The following LMNTD1 variants were observed in gnomAD, a reference collection of about 807,000 sequenced individuals.
The protein encoded by LMNTD1 is lamin tail domain containing 1.
In LMNTD1, 35 loss-of-function variants were observed where a neutral mutation model predicts 50.9. The observed-to-expected ratio is 0.69, with a 90% CI of 0.53 to 0.91. The LOEUF (loss-of-function observed/expected upper bound fraction) is 0.91. Ranked by LOEUF, LMNTD1 falls within the 40% of genes least tolerant of loss-of-function variation. LMNTD1 has a pLI of 0.00. For synonymous variants in LMNTD1, 153 were observed against 161.9 expected (o/e 0.94, Z 0.42); for missense variants, 470 against 475.5 (o/e 0.99, Z 0.11).
At chr12:25,647,045 G>A (rs1947087430) in intron 1 of LMNTD1, among the ~76,000 whole-genome samples, 2 of 152,088 alleles carry the variant, frequency 1.3e-5, no homozygotes, top group Admixed American at 6.6e-5. Context: ...AAAATAATTT[G>A]GATTTTCTTC....
At chr12:25,487,965 C>T (rs1291753027) in intron 9 of LMNTD1, among the ~76,000 whole-genome samples, 2 of 147,042 alleles carry the variant, frequency 1.4e-5, no homozygotes, top group Non-Finnish European at 3.0e-5. Context: ...TTGGCCCCCA[C>T]TCTCTTCTGG....
chr12:25,495,159 T>C (rs1005085771), intron 9 of LMNTD1, among the ~76,000 whole-genome samples: 9 of 152,036 alleles, frequency 5.9e-5, no homozygotes, highest in Non-Finnish European at 8.8e-5. Flanking sequence ...CAAAGCTCAT[T>C]GGTAATTAAT....
At chr12:25,641,747 A>G (rs2619479) in intron 1 of LMNTD1, among the ~76,000 whole-genome samples, 150,533 of 152,188 alleles carry the variant, frequency 0.99, 74,472 homozygotes, top group Middle Eastern at 1. Flanking sequence ...GAAACTCTGC[A>G]GTTCCACAGA....
At chr12:25,645,372 A>C (rs1047362792) in intron 1 of LMNTD1, among the ~76,000 whole-genome samples, 7 of 152,196 alleles carry the variant, frequency 4.6e-5, no homozygotes, top group African/African-American at 7.2e-5. Context: ...TTAAGGAATA[A>C]TTGCAATGGA....
intron 9 of LMNTD1, among the ~76,000 whole-genome samples, chr12:25,489,360 C>T (rs927891212): frequency 6.6e-6 from 1 of 151,516 alleles, no homozygotes; most frequent in African/African-American, 2.4e-5. Context: ...GTCTGAAAAG[C>T]GCAATATTCG....
chr12:25,588,309 C>T (rs140578241), intron 1 of LMNTD1, among the ~76,000 whole-genome samples: 15 of 152,206 alleles, frequency 9.9e-5, no homozygotes, highest in Admixed American at 8.5e-4. Context: ...AAGTGGAATT[C>T]GATGAGTACT....
chr12:25,554,008 A>T (rs1281220372), upstream of LMNTD1, among the ~76,000 whole-genome samples: 1 of 152,218 alleles, frequency 6.6e-6, no homozygotes, highest in Non-Finnish European at 1.5e-5. Context: ...TAAAGACAAT[A>T]AAGTAACTGT....
intron 1 of LMNTD1, chr12:25,630,599 A>C (rs1376908324): frequency 6.6e-6 from 1 of 152,246 alleles, no homozygotes; most frequent in Non-Finnish European, 1.5e-5. Context: ...CCTTACCTGG[A>C]GCTGAGTCAA....
At chr12:25,606,421 G>A (rs1946104492) in intron 1 of LMNTD1, among the ~76,000 whole-genome samples, 1 of 152,124 alleles carries the variant, frequency 6.6e-6, no homozygotes, top group African/African-American at 2.4e-5. Flanking sequence ...GTTTTCAAAG[G>A]GAATGCTTCC....
intron 9 of LMNTD1, among the ~76,000 whole-genome samples, chr12:25,502,534 C>A (rs550154359): frequency 2.0e-4 from 30 of 152,246 alleles, no homozygotes; most frequent in Middle Eastern, 3.4e-3. Context: ...CATTAAAATA[C>A]CTTGGGATTA....
intron 1 of LMNTD1, among the ~76,000 whole-genome samples, chr12:25,619,217 ACTCTCTCTCTCTCTCTCT>A (rs143233739): frequency 2.0e-4 from 24 of 120,156 alleles, no homozygotes; most frequent in East Asian, 1.7e-3. Context: ...ATGCTTTTCA[ACTCTCTCTCTCTCTCTCT>A]CTCTCTCTCT....
At chr12:25,556,598 A>C (rs16929053), upstream of LMNTD1, among the ~76,000 whole-genome samples, 19,785 of 152,014 alleles carry the variant, frequency 0.13, 1,293 homozygotes, top group East Asian at 0.2. Flanking sequence ...TCTTCTTGGC[A>C]CTCTGTCAAT....
chr12:25,508,819 G>A (rs1214310404), intron 8 of LMNTD1, among the ~76,000 whole-genome samples: 1 of 152,162 alleles, frequency 6.6e-6, no homozygotes, highest in Non-Finnish European at 1.5e-5. Context: ...TCACCGTTAA[G>A]TATGATATCG....
Position 25,648,512 on chromosome 12 carries a change from T to C in LMNTD1, c.40A>G (p.Arg14Gly), listed in dbSNP as rs538574006. Residue 14 changes from arginine (R) to glycine (G), a missense_variant, in exon 1 of 8, where the codon AGA (arginine) becomes GGA (glycine). By Grantham distance (125) the Arg-to-Gly change is moderately radical (BLOSUM62 -2). Transcript: ENST00000445693. Reference sequence around the variant, plus strand: ...CACTTACTGTGGTGGGTCTGGACTCTGGAAACACCGATGTCTCCTGCTCTC... The same window carrying C: ...CACTTACTGTGGTGGGTCTGGACTCCGGAAACACCGATGTCTCCTGCTCTC... 23 of 1,551,718 alleles carry C rather than the reference T, an allele frequency of 1.5e-5. No individual in the cohort carries two copies. The South Asian group carries it at 2.6e-4, about 18-fold the overall frequency.
Position 25,546,515 on chromosome 12 carries a change from G to A in LMNTD1, c.350C>T (p.Ser117Leu), listed in dbSNP as rs1943443777. Residue 117 changes from serine to leucine, a missense_variant, in exon 4 of 10, where the codon TCA (serine) becomes TTA (leucine). Physicochemically the swap from Ser to Leu is moderately radical, Grantham distance 145. Coordinates refer to ENST00000458174, the MANE Select transcript of LMNTD1 (RefSeq NM_001145728.2). ...ATCTTCTCCATCCCCAATCATGGGT[G>A]ATTCATCCTGTTTCTTCGGAACTGA... ...PFSVPKKQDESPMIGDGEDYF... is the reference protein window; with the variant it reads ...PFSVPKKQDELPMIGDGEDYF... The A allele has an allele frequency of 3.8e-6, 6 of 1,575,238 alleles. No homozygotes were observed. The African/African-American group carries it at 4.1e-5, about 11-fold the overall frequency.
chr12:25,545,722 T>G (rs1337810731), intron 4 of LMNTD1, among the ~76,000 whole-genome samples: 1 of 151,650 alleles, frequency 6.6e-6, no homozygotes, highest in Non-Finnish European at 1.5e-5. Context: ...TAATAGGGCA[T>G]GGGTGATTGA....
chr12:25,583,781 G>T (rs1020342519), intron 1 of LMNTD1, among the ~76,000 whole-genome samples: 1 of 152,156 alleles, frequency 6.6e-6, no homozygotes, highest in Non-Finnish European at 1.5e-5. Flanking sequence ...TGAGTGAGAG[G>T]CGAAGGAGAG....
Position 25,519,956 on chromosome 12 carries a change from C to G in LMNTD1, c.918G>C (p.Trp306Cys). Residue 306 changes from tryptophan to cysteine, a missense_variant, in exon 7 of 10, where the codon TGG (tryptophan) becomes TGC (cysteine). Transcript: ENST00000458174. The part of the protein sequence containing the change: ...SPTFRKRVFQ[W>C]TASTATITKE... ...TAGTTATTGTAGCTGTAGATGCTGT[C>G]CACTGAAACACACGCTTTCGGAATG... 6.2e-7 allele frequency: 1 copy of G among 1,612,976 alleles called. No individual in the cohort carries two copies. The highest frequency in any genetic ancestry group is 8.5e-7 in the Non-Finnish European group (1 of 1,179,350).
At position 25,536,783 on chromosome 12, in the gene LMNTD1, G is replaced by C. The variant is rs148929073; in HGVS notation, c.491+9591C>G. ...AGCTCCCAGCCTGAGCGACGCAGAA[G>C]ACGGGTGATTTCTGCATTTCCATCT... On this transcript the variant is annotated intron_variant, in intron 4 of 9. Coordinates refer to ENST00000458174, the MANE Select transcript of LMNTD1 (RefSeq NM_001145728.2). Among the ~76,000 whole-genome samples the C allele has an allele frequency of 9.5e-4, 145 of 152,384 alleles. 1 individual carries two copies. In the East Asian group the frequency reaches 0.026, roughly 28 times the overall value.
Sources: allele counts gnomAD v4.1 joint callset (sites outside exome capture counted in the v4.1 genomes callset), GRCh38; gene constraint gnomAD v4.1.1; transcripts MANE v1.5; gene names NCBI Gene and HGNC (gene_info 2026-07-23, HGNC 2026-07-21).